CLSTN2: variants seen among roughly 807,000 people sequenced by gnomAD.
CLSTN2 encodes calsyntenin 2, also known as calsyntenin-2.
Under a neutral mutation model 101.2 loss-of-function variants are expected in CLSTN2, and 48 were observed. That is an observed-to-expected ratio of 0.47 (90% confidence interval 0.38 to 0.60). The LOEUF is 0.60. Ranked by LOEUF, CLSTN2 falls within the 20% of genes least tolerant of loss-of-function variation. The probability of loss-of-function intolerance (pLI) is 0.00; values close to 1 mark genes in which losing one functional copy is unlikely to be tolerated. For synonymous variants in CLSTN2, 481 were observed against 463.6 expected (o/e 1.04, Z -0.48); for missense variants, 1,160 against 1,238.2 (o/e 0.94, Z 0.95).
intron 8 of CLSTN2, among the ~76,000 whole-genome samples, chr3:140,500,014 C>A (rs1204215962): frequency 6.6e-6 from 1 of 151,920 alleles, no homozygotes; most frequent in East Asian, 1.9e-4. Context: ...TTGCAGTGAG[C>A]CGAGATCATG....
chr3:140,459,903 A>G (rs1933518909), intron 7 of CLSTN2, 134 bp downstream of exon 7: 2 of 1,028,794 alleles, frequency 1.9e-6, no homozygotes, highest in South Asian at 1.6e-5. Context: ...CTGCCAATAT[A>G]TATTCTGGTC....
intron 1 of CLSTN2, among the ~76,000 whole-genome samples, chr3:140,087,735 A>C (rs1032781825): frequency 6.6e-6 from 1 of 152,240 alleles, no homozygotes; most frequent in Non-Finnish European, 1.5e-5. Flanking sequence ...CAAAATGGAT[A>C]CCTAACCCAA....
chr3:140,259,787 C>T (rs1258360145), intron 2 of CLSTN2, among the ~76,000 whole-genome samples: 1 of 152,026 alleles, frequency 6.6e-6, no homozygotes, highest in Admixed American at 6.6e-5. Flanking sequence ...GGGATTCATC[C>T]ATGTTTTAGG....
At chr3:140,030,363 C>T (rs1476486884) in intron 1 of CLSTN2, among the ~76,000 whole-genome samples, 1 of 152,048 alleles carries the variant, frequency 6.6e-6, no homozygotes, top group African/African-American at 2.4e-5. Context: ...ACCTCAAAGC[C>T]CCAGCTCTTT....
chr3:140,196,078 C>T (rs768886615), intron 2 of CLSTN2, among the ~76,000 whole-genome samples: 2 of 152,162 alleles, frequency 1.3e-5, no homozygotes, highest in Non-Finnish European at 2.9e-5. Context: ...TAGTCCTAGG[C>T]GGATTTTCTC....
At chr3:140,412,087 C>T (rs796758797) in intron 4 of CLSTN2, among the ~76,000 whole-genome samples, 4 of 152,360 alleles carry the variant, frequency 2.6e-5, no homozygotes, top group African/African-American at 9.6e-5. Flanking sequence ...GCAATCTAGG[C>T]TCACCATAAC....
intron 2 of CLSTN2, among the ~76,000 whole-genome samples, chr3:140,261,129 A>G (rs1434783438): frequency 6.6e-6 from 1 of 151,738 alleles, no homozygotes; most frequent in Non-Finnish European, 1.5e-5. Flanking sequence ...GTGTTTGGAA[A>G]TGACTATACA....
chr3:140,167,453 C>G (rs2010151840), intron 1 of CLSTN2, among the ~76,000 whole-genome samples: 1 of 152,148 alleles, frequency 6.6e-6, no homozygotes, highest in Non-Finnish European at 1.5e-5. Flanking sequence ...CTCTGCTCTT[C>G]CTCTTCTCAC....
intron 5 of CLSTN2, among the ~76,000 whole-genome samples, chr3:140,442,922 A>G (rs1932992950): frequency 6.6e-6 from 1 of 152,212 alleles, no homozygotes; most frequent in African/African-American, 2.4e-5. Flanking sequence ...CTGCTGAGCA[A>G]AGGTACCCTC....
intron 2 of CLSTN2, among the ~76,000 whole-genome samples, chr3:140,357,505 G>A (rs747389856): frequency 5.3e-5 from 8 of 151,954 alleles, no homozygotes; most frequent in Admixed American, 1.3e-4. Context: ...ATGTGGGGTG[G>A]GGACAGACCC....
At chr3:140,019,140 CATTATTATAA>C (rs1000573647) in intron 1 of CLSTN2, among the ~76,000 whole-genome samples, 35 of 152,226 alleles carry the variant, frequency 2.3e-4, no homozygotes, top group African/African-American at 8.2e-4. Context: ...GCCCCAATCC[CATTATTATAA>C]AAAAAGATGG....
rs575122468 is a variant in CLSTN2, at chr3:139,970,342, T to C, written c.109+34859T>C. Among the ~76,000 whole-genome samples the C allele has an allele frequency of 5.9e-5, 9 of 152,270 alleles. No individual in the cohort carries two copies. In the East Asian group the frequency reaches 1.7e-3, roughly 29 times the overall value. ...CTGGGGGGGGATGCTCTCCATACGCTGCCAATAGATGGTGGTCATTATAAT... is the reference window on the plus strand; with the variant it reads ...CTGGGGGGGGATGCTCTCCATACGCCGCCAATAGATGGTGGTCATTATAAT... On this transcript the variant is annotated intron_variant, in intron 1 of 16. Coordinates refer to ENST00000458420, the MANE Select transcript of CLSTN2 (RefSeq NM_022131.3).
Position 140,486,920 on chromosome 3 carries a change from T to A in CLSTN2, c.1344+20189T>A, listed in dbSNP as rs142170803. Among the ~76,000 whole-genome samples the A allele has an allele frequency of 1.6e-3, 240 of 152,238 alleles. 1 individual carries two copies. Among genetic ancestry groups the A allele is most frequent in the African/African-American group, 4.8e-3 (199 of 41,550 alleles). On this transcript the variant is annotated intron_variant, in intron 8 of 16. Coordinates refer to ENST00000458420, the MANE Select transcript of CLSTN2 (RefSeq NM_022131.3). Reference sequence around the variant, plus strand: ...ATTCTGAGTTTTGGACCTGGGAAAGTAAGAGAGCACCAACAGATGTAAGTT... The same window carrying A: ...ATTCTGAGTTTTGGACCTGGGAAAGAAAGAGAGCACCAACAGATGTAAGTT...
At chr3:140,395,417 A>G (rs1158467855) in intron 2 of CLSTN2, among the ~76,000 whole-genome samples, 1 of 152,130 alleles carries the variant, frequency 6.6e-6, no homozygotes, top group Non-Finnish European at 1.5e-5. Context: ...GCCTCATGGA[A>G]CTTTCAGGAT....
chr3:139,976,542 G>A (rs920295592), intron 1 of CLSTN2, among the ~76,000 whole-genome samples: 4 of 152,174 alleles, frequency 2.6e-5, no homozygotes, highest in Admixed American at 1.3e-4. Flanking sequence ...GCTAGTAAGT[G>A]GTAGAGCCAG....
intron 2 of CLSTN2, among the ~76,000 whole-genome samples, chr3:140,198,632 A>T (rs2010678808): frequency 6.6e-6 from 1 of 152,174 alleles, no homozygotes; most frequent in Non-Finnish European, 1.5e-5. Context: ...CACTTTATTT[A>T]ATCCTGTAAA....
intron 1 of CLSTN2, among the ~76,000 whole-genome samples, chr3:139,999,614 G>A (rs1378510279): frequency 6.6e-6 from 1 of 152,254 alleles, no homozygotes; most frequent in East Asian, 1.9e-4. Context: ...TGATAGACAT[G>A]GGACCAATTA....
chr3:140,370,251 C>T (rs191797061), intron 2 of CLSTN2, among the ~76,000 whole-genome samples: 19 of 152,332 alleles, frequency 1.2e-4, no homozygotes, highest in South Asian at 1.0e-3. Flanking sequence ...CCCATGCCCA[C>T]GCCTTGATTC....
At chr3:140,214,011 A>G (rs1317897600) in intron 2 of CLSTN2, among the ~76,000 whole-genome samples, 1 of 152,178 alleles carries the variant, frequency 6.6e-6, no homozygotes, top group Admixed American at 6.5e-5. Context: ...AGTGATCAGA[A>G]AAGTTTAATT....
Sources: gnomAD v4.1 joint callset for allele counts (sites outside exome capture counted in the v4.1 genomes callset) on GRCh38, gnomAD v4.1.1 for gene constraint, MANE v1.5 for transcripts, NCBI Gene and HGNC (gene_info 2026-07-23, HGNC 2026-07-21) for gene names.